CABLES1: variants seen among roughly 807,000 people sequenced by gnomAD.
CABLES1 encodes Cdk5 and Abl enzyme substrate 1, also known as CDK5 and ABL1 enzyme substrate 1.
A neutral mutation model predicts 57.8 loss-of-function variants in CABLES1; 36 were observed. That is an observed-to-expected ratio of 0.62 (90% CI 0.48 to 0.82). The LOEUF is 0.82. Ranked by LOEUF, CABLES1 falls within the 40% of genes least tolerant of loss-of-function variation. The probability of loss-of-function intolerance (pLI) is 0.00; values close to 1 mark genes in which losing one functional copy is unlikely to be tolerated. For synonymous variants in CABLES1, 374 were observed against 363.0 expected (o/e 1.03, Z -0.35); for missense variants, 767 against 836.6 (o/e 0.92, Z 1.03).
intron 3 of CABLES1, among the ~76,000 whole-genome samples, chr18:23,209,455 C>T (rs995524114): frequency 3.9e-5 from 6 of 152,150 alleles, no homozygotes; most frequent in East Asian, 1.9e-4. Context: ...GCTTTGTAGG[C>T]GTATTCTTTC....
At chr18:23,154,628 C>T (rs2046953973) in intron 1 of CABLES1, among the ~76,000 whole-genome samples, 1 of 152,210 alleles carries the variant, frequency 6.6e-6, no homozygotes, top group Admixed American at 6.5e-5. Context: ...CCCATATACT[C>T]TGTTGGTGCC....
intron 1 of CABLES1, among the ~76,000 whole-genome samples, chr18:23,163,066 T>A (rs1376393649): frequency 6.6e-6 from 1 of 152,088 alleles, no homozygotes; most frequent in African/African-American, 2.4e-5. Flanking sequence ...TCCTTGGTGA[T>A]GGACTGAAGG....
At chr18:23,201,622 C>T (rs2047325749) in intron 3 of CABLES1, among the ~76,000 whole-genome samples, 1 of 152,206 alleles carries the variant, frequency 6.6e-6, no homozygotes, top group Non-Finnish European at 1.5e-5. Context: ...TCTCCAGATA[C>T]AAGGTGCCCA....
chr18:23,203,477 GAAAC>G (rs1191593503), intron 3 of CABLES1, among the ~76,000 whole-genome samples: 1 of 150,418 alleles, frequency 6.6e-6, no homozygotes, highest in Non-Finnish European at 1.5e-5. Flanking sequence ...AAAAAAGAAA[GAAAC>G]ACGTTAAAAG....
chr18:23,192,546 G>T (rs146776345), intron 2 of CABLES1, among the ~76,000 whole-genome samples: 1 of 152,188 alleles, frequency 6.6e-6, no homozygotes, highest in East Asian at 1.9e-4. Context: ...CAGGATCTGC[G>T]AGCCGCCTGA....
chr18:23,245,520 A>C (rs1321387236), intron 7 of CABLES1, among the ~76,000 whole-genome samples: 1 of 151,528 alleles, frequency 6.6e-6, no homozygotes, highest in South Asian at 2.1e-4. Context: ...AAAAAAAAAA[A>C]GCGAAATAGG....
intron 7 of CABLES1, among the ~76,000 whole-genome samples, chr18:23,249,260 A>T (rs1038676568): frequency 6.6e-6 from 1 of 152,254 alleles, no homozygotes; most frequent in Non-Finnish European, 1.5e-5. Flanking sequence ...TTAGCTTTCC[A>T]GCCTCCGTAG....
rs532498252 is a variant in CABLES1 at position 23,205,101 on chromosome 18, A to G, written c.1011-8876A>G. 8.6e-5 allele frequency among the ~76,000 whole-genome samples: 13 copies of G among 151,822 alleles called. No individual in the cohort carries two copies. The South Asian group carries it at 2.5e-3, about 29-fold the overall frequency. ...TAGCTAGCAGATGACTCAGGGCTGG[A>G]CCACACTTCAGGATGCAGCTACCAG... On this transcript the variant is annotated intron_variant, in intron 3 of 9. Transcript: ENST00000256925.
chr18:23,252,999 A>G lies in CABLES1; in HGVS notation c.1486A>G (p.Lys496Glu). Residue 496 changes from lysine (K) to glutamate (E), a missense_variant, in exon 8 of 10, where the codon AAG (lysine) becomes GAG (glutamate). Lys to Glu is a moderately conservative substitution (Grantham distance 56, BLOSUM62 1). Transcript: ENST00000256925. Reference protein sequence around the residue: ...IDYVKPSDLKKDMNETFKEKF... With the variant: ...IDYVKPSDLKEDMNETFKEKF... Reference sequence around the variant, plus strand: ...CTACGTGAAGCCCTCGGATCTCAAGAAGGACATGAACGAGACCTTCAAGGA... The same window carrying G: ...CTACGTGAAGCCCTCGGATCTCAAGGAGGACATGAACGAGACCTTCAAGGA... 6.2e-7 allele frequency: 1 copy of G among 1,613,796 alleles called. No individual in the cohort carries two copies. Among genetic ancestry groups the G allele is most frequent in the Non-Finnish European group, 8.5e-7 (1 of 1,179,748 alleles).
intron 4 of CABLES1, among the ~76,000 whole-genome samples, chr18:23,220,406 A>G (rs544838915): frequency 8.6e-4 from 131 of 152,156 alleles, no homozygotes; most frequent in Non-Finnish European, 1.6e-3. Flanking sequence ...ATTTTACTTG[A>G]GGCTAGGGGC....
At chr18:23,229,540 T>G (rs1292080904) in intron 4 of CABLES1, among the ~76,000 whole-genome samples, 1 of 152,266 alleles carries the variant, frequency 6.6e-6, no homozygotes, top group Non-Finnish European at 1.5e-5. Context: ...AGTTCGACAT[T>G]CTCTAGCTCT....
At chr18:23,158,046 C>T (rs1467766653) in intron 1 of CABLES1, among the ~76,000 whole-genome samples, 2 of 150,830 alleles carry the variant, frequency 1.3e-5, no homozygotes, top group Admixed American at 6.6e-5. Context: ...CTTTGGGAGG[C>T]TGAGGCAGGT....
intron 1 of CABLES1, among the ~76,000 whole-genome samples, chr18:23,149,146 A>T (rs952555476): frequency 6.6e-6 from 1 of 152,078 alleles, no homozygotes; most frequent in Non-Finnish European, 1.5e-5. Context: ...CACCTGCCTC[A>T]GCCTCCCAAA....
intron 1 of CABLES1, among the ~76,000 whole-genome samples, chr18:23,156,296 C>T (rs1051895350): frequency 2.0e-5 from 3 of 152,150 alleles, no homozygotes; most frequent in Admixed American, 6.5e-5. Flanking sequence ...CTCCATAGAC[C>T]TTGGATGGAG....
At chr18:23,138,219 G>T (rs1016483688) in intron 1 of CABLES1, among the ~76,000 whole-genome samples, 1 of 152,090 alleles carries the variant, frequency 6.6e-6, no homozygotes, top group East Asian at 1.9e-4. Flanking sequence ...AGATTACCTC[G>T]CACGCTTTCT....
At chr18:23,227,737 CTTAATTAAAATTTAGCTCACAAG>C (rs1185488638) in intron 4 of CABLES1, among the ~76,000 whole-genome samples, 1 of 152,202 alleles carries the variant, frequency 6.6e-6, no homozygotes, top group Non-Finnish European at 1.5e-5. Flanking sequence ...TGTGTAATCT[CTTAATTAAAATTTAGCTCACAAG>C]TGGTATTTCC....
intron 3 of CABLES1, among the ~76,000 whole-genome samples, chr18:23,195,100 C>G (rs2047272656): frequency 6.6e-6 from 1 of 152,212 alleles, no homozygotes; most frequent in Non-Finnish European, 1.5e-5. Context: ...GTTTGGAAAG[C>G]ACCATTAAAT....
chr18:23,248,657 A>G (rs1256275525), intron 7 of CABLES1, among the ~76,000 whole-genome samples: 1 of 151,352 alleles, frequency 6.6e-6, no homozygotes, highest in Non-Finnish European at 1.5e-5. Flanking sequence ...GTGAAACCCC[A>G]TCTCTACTAA....
At chr18:23,208,568 T>C (rs2047381372) in intron 3 of CABLES1, among the ~76,000 whole-genome samples, 1 of 152,196 alleles carries the variant, frequency 6.6e-6, no homozygotes, top group South Asian at 2.1e-4. Flanking sequence ...TTCATTTGTC[T>C]CCGGACATTG....
Sources: gnomAD v4.1 joint callset for allele counts (sites outside exome capture counted in the v4.1 genomes callset) on GRCh38, gnomAD v4.1.1 for gene constraint, MANE v1.5 for transcripts, NCBI Gene and HGNC (gene_info 2026-07-23, HGNC 2026-07-21) for gene names.